The following LRRTM4 variants were observed in gnomAD, a reference collection of about 807,000 sequenced individuals.
LRRTM4 encodes leucine-rich repeat transmembrane neuronal protein 4.
A neutral mutation model predicts 47.6 loss-of-function variants in LRRTM4; 25 were observed. That is an observed-to-expected ratio of 0.53 (90% CI 0.38 to 0.73). The LOEUF (loss-of-function observed/expected upper bound fraction) is 0.73, where lower values mean the gene tolerates loss of function less well. Among genes scored for constraint, LRRTM4 ranks in the 30% least tolerant of loss-of-function variants. The pLI is 0.00. For missense variants in LRRTM4, 638 were observed against 713.4 expected (o/e 0.89, Z 1.20); for synonymous variants, 311 against 269.5 (o/e 1.15, Z -1.51).
In LRRTM4 at chr2:76,748,663, T is replaced by C. The variant is rs1354557611; in HGVS notation, c.*32A>G. The C allele has an allele frequency of 2.6e-6, 2 of 773,422 alleles. No individual in the cohort carries two copies. The highest frequency in any genetic ancestry group is 1.3e-5 in the South Asian group (1 of 74,950). 47.9% of individuals were successfully genotyped at this position (773,422 alleles called of 1,614,324 possible). A position where few individuals can be genotyped will look rare whatever the true frequency, so the allele number is the denominator to read the frequency against. Reference sequence around the variant, plus strand: ...AGATGAAGGCCCTCCCTCCCCCCCATGGAGCTCCCCAGTGAGGAGTTGGCT... The same window carrying C: ...AGATGAAGGCCCTCCCTCCCCCCCACGGAGCTCCCCAGTGAGGAGTTGGCT... On this transcript the variant is annotated 3_prime_UTR_variant, in exon 4 of 4. Transcript: ENST00000409884.
chr2:76,978,991 G>C (rs72823141), intron 3 of LRRTM4, among the ~76,000 whole-genome samples: 2,932 of 152,050 alleles, frequency 0.019, 75 homozygotes, highest in East Asian at 0.083. Context: ...CATCTCCAGA[G>C]AATAAAACAT....
At chr2:77,037,376 T>C (rs1323483739) in intron 3 of LRRTM4, among the ~76,000 whole-genome samples, 6 of 151,898 alleles carry the variant, frequency 4.0e-5, no homozygotes, top group African/African-American at 1.4e-4. Flanking sequence ...TATAAGGCAC[T>C]CAGTCACCAC....
rs529525692 is a variant in LRRTM4, at chr2:76,812,947, C to T, written c.1552-64031G>A. Among the ~76,000 whole-genome samples, 123 of 151,866 alleles carry T rather than the reference C, an allele frequency of 8.1e-4. 1 individual carries two copies. Among genetic ancestry groups the T allele is most frequent in the South Asian group, 1.5e-3 (7 of 4,806 alleles). On this transcript the variant is annotated intron_variant, in intron 3 of 3. Coordinates refer to ENST00000409884, the MANE Select transcript of LRRTM4 (RefSeq NM_001134745.3). ...AAGTCAGATTGTGAGAACGTTTGCC[C>T]ATTTTCTCTAAAAAAAAGACTCCTC...
chr2:77,171,730 TC>T (rs1673054377), intron 3 of LRRTM4, among the ~76,000 whole-genome samples: 1 of 152,002 alleles, frequency 6.6e-6, no homozygotes, highest in Non-Finnish European at 1.5e-5. Flanking sequence ...AAGATAATTG[TC>T]TAAGTTAGTA....
intron 3 of LRRTM4, among the ~76,000 whole-genome samples, chr2:77,197,301 T>C (rs530017036): frequency 3.3e-5 from 5 of 152,248 alleles, no homozygotes; most frequent in Admixed American, 6.5e-5. Flanking sequence ...GCAGGAAATA[T>C]GAAGGTTAAC....
At chr2:77,262,245 G>T (rs534731489) in intron 3 of LRRTM4, among the ~76,000 whole-genome samples, 1 of 152,098 alleles carries the variant, frequency 6.6e-6, no homozygotes, top group Admixed American at 6.6e-5. Flanking sequence ...AATAATAATA[G>T]AAATAAACTG....
At chr2:77,206,848 A>G (rs917350462) in intron 3 of LRRTM4, among the ~76,000 whole-genome samples, 1 of 152,088 alleles carries the variant, frequency 6.6e-6, no homozygotes, top group Non-Finnish European at 1.5e-5. Context: ...GATTTTGTTG[A>G]CAGAGCAATA....
intron 3 of LRRTM4, among the ~76,000 whole-genome samples, chr2:76,902,356 AT>A (rs1308913992): frequency 1.3e-5 from 2 of 152,188 alleles, no homozygotes; most frequent in African/African-American, 4.8e-5. Flanking sequence ...TTTAAAAAAA[AT>A]AATTAGCCAG....
chr2:77,113,084 T>C (rs1413335442), intron 3 of LRRTM4, among the ~76,000 whole-genome samples: 5 of 152,118 alleles, frequency 3.3e-5, no homozygotes, highest in Non-Finnish European at 5.9e-5. Context: ...TACACACCTT[T>C]GTTACTTGTT....
intron 3 of LRRTM4, among the ~76,000 whole-genome samples, chr2:77,037,775 CAG>C (rs1259062627): frequency 6.6e-6 from 1 of 151,684 alleles, no homozygotes; most frequent in Non-Finnish European, 1.5e-5. Flanking sequence ...CATCAACCAC[CAG>C]AGTTTATCTT....
intron 3 of LRRTM4, among the ~76,000 whole-genome samples, chr2:77,342,165 T>C (rs1056062312): frequency 6.6e-6 from 1 of 151,856 alleles, no homozygotes; most frequent in African/African-American, 2.4e-5. Context: ...TATGTTTGCT[T>C]ATAGAGCACT....
At chr2:77,348,551 C>A (rs1354012196) in intron 3 of LRRTM4, among the ~76,000 whole-genome samples, 2 of 149,650 alleles carry the variant, frequency 1.3e-5, no homozygotes, top group African/African-American at 4.9e-5. Flanking sequence ...ATATACCTTA[C>A]AAATATACAA....
chr2:77,232,955 C>CA (rs1675007968), intron 3 of LRRTM4, among the ~76,000 whole-genome samples: 1 of 151,902 alleles, frequency 6.6e-6, no homozygotes, highest in South Asian at 2.1e-4. Context: ...GAAAATGTGG[C>CA]AAAACTATAA....
intron 3 of LRRTM4, among the ~76,000 whole-genome samples, chr2:77,302,700 T>C (rs1231133331): frequency 6.6e-6 from 1 of 152,172 alleles, no homozygotes; most frequent in African/African-American, 2.4e-5. Flanking sequence ...ACTTGATGTA[T>C]CAAACTACCT....
intron 3 of LRRTM4, among the ~76,000 whole-genome samples, chr2:77,297,461 G>A (rs1260336767): frequency 3.3e-5 from 5 of 152,174 alleles, no homozygotes; most frequent in African/African-American, 1.2e-4. Flanking sequence ...TCTATAAAGA[G>A]AGAGTTAGAG....
At chr2:77,167,026 A>T (rs1672905460) in intron 3 of LRRTM4, among the ~76,000 whole-genome samples, 1 of 152,206 alleles carries the variant, frequency 6.6e-6, no homozygotes, top group African/African-American at 2.4e-5. Context: ...GGCAACCTAC[A>T]GAATGGGAGA....
intron 3 of LRRTM4, among the ~76,000 whole-genome samples, chr2:76,844,227 C>T (rs558949284): frequency 7.9e-5 from 12 of 152,034 alleles, no homozygotes; most frequent in East Asian, 1.9e-4. Flanking sequence ...CTCCACCTCT[C>T]GGGTTCAAGC....
At chr2:76,986,756 G>C (rs994910838) in intron 3 of LRRTM4, among the ~76,000 whole-genome samples, 4 of 151,868 alleles carry the variant, frequency 2.6e-5, no homozygotes, top group African/African-American at 9.7e-5. Flanking sequence ...TGTACTCTTG[G>C]ATTCAGCCAT....
At chr2:76,858,071 T>C (rs184854196) in intron 3 of LRRTM4, among the ~76,000 whole-genome samples, 5 of 152,130 alleles carry the variant, frequency 3.3e-5, no homozygotes, top group African/African-American at 1.2e-4. Context: ...CAAAAGAAAA[T>C]GGGCAATAGA....
Sources: gnomAD v4.1 joint callset for allele counts (sites outside exome capture counted in the v4.1 genomes callset) on GRCh38, gnomAD v4.1.1 for gene constraint, MANE v1.5 for transcripts, NCBI Gene and HGNC (gene_info 2026-07-23, HGNC 2026-07-21) for gene names.